TRIO: variants seen among roughly 807,000 people sequenced by gnomAD.
The protein encoded by TRIO is trio Rho guanine nucleotide exchange factor, also known as triple functional domain protein.
A neutral mutation model predicts 351.9 loss-of-function variants in TRIO; 58 were observed. The ratio of observed to expected loss-of-function variants is 0.16; its 90% CI spans 0.13 to 0.21. The LOEUF is 0.21. TRIO is among the 10% of genes least tolerant of loss of function. The pLI, the probability that TRIO is intolerant of heterozygous loss-of-function variation, is 1.00. For missense variants in TRIO, 3,201 were observed against 4,027.8 expected (o/e 0.79, Z 5.56); for synonymous variants, 1,758 against 1,595.7 (o/e 1.10, Z -2.42).
intron 33 of TRIO, among the ~76,000 whole-genome samples, chr5:14,413,909 G>A (rs770812464): frequency 1.3e-5 from 2 of 152,148 alleles, no homozygotes; most frequent in Non-Finnish European, 2.9e-5. Flanking sequence ...TCCTGGTGAG[G>A]GCCCAGTCAG....
chr5:14,502,576 C>T lies in TRIO; in HGVS notation c.8333-3C>T, dbSNP rs778486145. ...GCTCAGGCAGGTGCTGTTCTTCTTG[C>T]AGGTCCAGGGATGGATGGGATCATG... On this transcript the variant is annotated splice_polypyrimidine_tract_variant and splice_region_variant and intron_variant, in intron 53 of 56. Coordinates refer to ENST00000344204, the MANE Select transcript of TRIO (RefSeq NM_007118.4). 11 of 1,614,114 alleles carry T rather than the reference C, an allele frequency of 6.8e-6. No homozygotes were observed. In the South Asian group the frequency reaches 1.2e-4, roughly 18 times the overall value.
rs146070835 is a variant in TRIO at position 14,461,898 on chromosome 5, A to T, written c.5496+587A>T. Among the ~76,000 whole-genome samples the T allele has an allele frequency of 1.4e-3, 218 of 152,332 alleles. 1 individual carries two copies. The highest frequency in any genetic ancestry group is 5.2e-3 in the African/African-American group (215 of 41,568). Reference sequence around the variant, plus strand: ...ACATTGGGTTATTCCCATGTCACCAAAGGTAAGTGCATGTAGGTCAGCCAG... The same window carrying T: ...ACATTGGGTTATTCCCATGTCACCATAGGTAAGTGCATGTAGGTCAGCCAG... On this transcript the variant is annotated intron_variant, in intron 35 of 56. Transcript: ENST00000344204.
At chr5:14,283,262 G>C (rs1561289242) in intron 3 of TRIO, among the ~76,000 whole-genome samples, 1 of 152,214 alleles carries the variant, frequency 6.6e-6, no homozygotes, top group African/African-American at 2.4e-5. Context: ...CTTGGGGCCT[G>C]TGAGACCTTT....
chr5:14,465,734 G>A (rs1561523739), intron 37 of TRIO, 94 bp downstream of exon 37: 12 of 1,366,456 alleles, frequency 8.8e-6, no homozygotes, highest in Middle Eastern at 3.5e-4. Context: ...GCTCTGGGCT[G>A]CAGAATGTGG....
chr5:14,475,834 C>T (rs199815767), intron 40 of TRIO, among the ~76,000 whole-genome samples: 4 of 152,036 alleles, frequency 2.6e-5, no homozygotes, highest in Admixed American at 6.6e-5. Context: ...GTCTGCGCAG[C>T]GGGGATAGTA....
chr5:14,432,585 A>G (rs1405080391), intron 34 of TRIO, among the ~76,000 whole-genome samples: 1 of 152,252 alleles, frequency 6.6e-6, no homozygotes, highest in African/African-American at 2.4e-5. Context: ...TCCACTGCCC[A>G]GAGAAGTCAT....
At chr5:14,484,390 A>C (rs1475508460) in intron 46 of TRIO, among the ~76,000 whole-genome samples, 4 of 152,192 alleles carry the variant, frequency 2.6e-5, no homozygotes, top group Non-Finnish European at 5.9e-5. Flanking sequence ...CCAGACGCAT[A>C]TTTCTAGTTA....
chr5:14,329,802 T>C (rs1171722303), intron 9 of TRIO, among the ~76,000 whole-genome samples: 1 of 152,234 alleles, frequency 6.6e-6, no homozygotes, highest in Non-Finnish European at 1.5e-5. Context: ...GCATTTGATG[T>C]AGTGTAAATG....
chr5:14,238,271 G>C (rs1445129479), intron 1 of TRIO, among the ~76,000 whole-genome samples: 1 of 152,230 alleles, frequency 6.6e-6, no homozygotes, highest in Non-Finnish European at 1.5e-5. Flanking sequence ...CTGCAGCTAA[G>C]TGAAGAGAAG....
chr5:14,200,190 C>T (rs1430984555), intron 1 of TRIO, among the ~76,000 whole-genome samples: 2 of 151,714 alleles, frequency 1.3e-5, no homozygotes, highest in Non-Finnish European at 2.9e-5. Context: ...GCCAGGTGGC[C>T]GTGCCCTGCC....
intron 49 of TRIO, among the ~76,000 whole-genome samples, chr5:14,493,451 C>T (rs1391385900): frequency 2.0e-5 from 3 of 152,034 alleles, no homozygotes; most frequent in African/African-American, 4.8e-5. Context: ...GTATTTGTTA[C>T]GGTGATATGT....
chr5:14,498,589 G>A lies in TRIO; in HGVS notation c.8281G>A (p.Ala2761Thr), dbSNP rs1024629093. ...TEDDGIYTCI[A>T]VNDMGSASSS... is the part of the protein sequence containing the mutation. ...AGATGACGGCATCTACACGTGCATC[G>A]CTGTCAATGACATGGGTTCAGCCTC... is the stretch of plus-strand genomic sequence containing the variant. Residue 2761 changes from alanine (A) to threonine (T), a missense_variant, in exon 53 of 57, where the codon GCT becomes ACT. Coordinates refer to ENST00000344204, the MANE Select transcript of TRIO (RefSeq NM_007118.4). The A allele has an allele frequency of 5.6e-6, 9 of 1,614,088 alleles. No homozygotes were observed. Among genetic ancestry groups the A allele is most frequent in the Middle Eastern group, 1.6e-4 (1 of 6,084 alleles).
At chr5:14,494,875 G>A (rs1297444678) in intron 49 of TRIO, among the ~76,000 whole-genome samples, 2 of 152,174 alleles carry the variant, frequency 1.3e-5, no homozygotes, top group Non-Finnish European at 2.9e-5. Context: ...CTCCAGCCTG[G>A]GCAGCAGAGT....
chr5:14,332,935 T>A (rs549938104), intron 10 of TRIO, among the ~76,000 whole-genome samples: 6 of 152,162 alleles, frequency 3.9e-5, no homozygotes, highest in Non-Finnish European at 5.9e-5. Context: ...AATACTAGCC[T>A]TGTGTTTACG....
Position 14,359,420 on chromosome 5 carries a change from G to C in TRIO, c.2280G>C (p.Val760=), listed in dbSNP as rs766680834. Reference sequence around the variant, plus strand: ...GCTCCATCAACCACATTGAGACGGTGCTGCAGCAGCTGGACGAGGCGCAGT... The same window carrying C: ...GCTCCATCAACCACATTGAGACGGTCCTGCAGCAGCTGGACGAGGCGCAGT... ...HNSSINHIET[V]LQQLDEAQSQ... is the part of the protein sequence containing the mutation. The change falls in exon 13 of 57, where the codon GTG becomes GTC. Residue 760 remains valine, a synonymous_variant. Coordinates refer to ENST00000344204, the MANE Select transcript of TRIO (RefSeq NM_007118.4). 3.1e-6 allele frequency: 5 copies of C among 1,614,274 alleles called. No homozygotes were observed. The East Asian group carries it at 1.1e-4, about 36-fold the overall frequency.
At chr5:14,237,492 C>T (rs765239977) in intron 1 of TRIO, among the ~76,000 whole-genome samples, 4 of 152,082 alleles carry the variant, frequency 2.6e-5, no homozygotes, top group South Asian at 2.1e-4. Flanking sequence ...AATCCGGATT[C>T]GTGAAGGCAG....
chr5:14,359,386 C>T lies in TRIO; in HGVS notation c.2246C>T (p.Pro749Leu). ...TCTGCCATCTCCAGTAACAAGACCC[C>T]CCACAACAGCTCCATCAACCACATT... The part of the protein sequence containing the change: ...RDSAISSNKT[P>L]HNSSINHIET... Residue 749 changes from proline to leucine, a missense_variant, in exon 13 of 57, where the codon CCC (proline) becomes CTC (leucine). This residue lies in a region of TRIO where 363 missense variants were observed against 553.5 expected (regional missense o/e 0.66). Transcript: ENST00000344204. The T allele has an allele frequency of 1.2e-6, 2 of 1,614,188 alleles. No homozygotes were observed. Among genetic ancestry groups the T allele is most frequent in the Non-Finnish European group, 1.7e-6 (2 of 1,179,974 alleles).
rs1293348728 is a variant in TRIO at position 14,381,270 on chromosome 5, T to G, written c.3570+18T>G. On this transcript the variant is annotated intron_variant, in intron 21 of 56. Transcript: ENST00000344204. ...CTGCAAAGGTGGGTTCAGAGTGTACTTTGTATAGTGGCCTCTAAGTCGAAA... is the reference window on the plus strand; with the variant it reads ...CTGCAAAGGTGGGTTCAGAGTGTACGTTGTATAGTGGCCTCTAAGTCGAAA... 1 of 1,591,584 alleles carries G rather than the reference T, an allele frequency of 6.3e-7. No individual in the cohort carries two copies. Among genetic ancestry groups the G allele is most frequent in the Non-Finnish European group, 8.5e-7 (1 of 1,173,280 alleles).
chr5:14,353,418 A>C (rs1743318951), intron 11 of TRIO, among the ~76,000 whole-genome samples: 1 of 151,770 alleles, frequency 6.6e-6, no homozygotes, highest in South Asian at 2.1e-4. Flanking sequence ...GTGTGCCACC[A>C]CGCCCAGCTA....
Sources: allele counts gnomAD v4.1 joint callset (sites outside exome capture counted in the v4.1 genomes callset), GRCh38; gene constraint gnomAD v4.1.1; regional missense constraint gnomAD v4.1.1; transcripts MANE v1.5; gene names NCBI Gene and HGNC (gene_info 2026-07-23, HGNC 2026-07-21).